Variants in AGAP3 observed in about 807,000 individuals in gnomAD.
AGAP3 encodes the protein ArfGAP with GTPase domain, ankyrin repeat and PH domain 3, also known as arf-GAP with GTPase, ANK repeat and PH domain-containing protein 3.
Under a neutral mutation model 96.9 loss-of-function variants are expected in AGAP3, and 24 were observed. The ratio of observed to expected loss-of-function variants is 0.25; its 90% CI spans 0.18 to 0.35. The LOEUF is 0.35. AGAP3 is among the 10% of genes least tolerant of loss of function. The pLI, the probability that AGAP3 is intolerant of heterozygous loss-of-function variation, is 1.00. For missense variants in AGAP3, 876 were observed against 1,254.2 expected (o/e 0.70, Z 4.55); for synonymous variants, 563 against 536.1 (o/e 1.05, Z -0.69).
Position 151,143,866 on chromosome 7 carries a change from G to C in AGAP3, c.2659G>C (p.Ala887Pro), listed in dbSNP as rs1236113198. 1.2e-6 allele frequency: 2 copies of C among 1,613,976 alleles called. No individual in the cohort carries two copies. Among genetic ancestry groups the C allele is most frequent in the Admixed American group, 3.3e-5 (2 of 60,032 alleles). ...HGCPGEGCGL[A>P]PTPNREPANG... ...CTGCCCTGGGGAGGGCTGTGGCTTAGCGCCTACCCCCAACAGAGAGCCTGC... is the reference window on the plus strand; with the variant it reads ...CTGCCCTGGGGAGGGCTGTGGCTTACCGCCTACCCCCAACAGAGAGCCTGC... Residue 887 changes from alanine to proline, a missense_variant, in exon 18 of 18, where the codon GCG becomes CCG. Transcript: ENST00000397238. The surrounding 1 kb of genome is among the most constrained non-coding windows in gnomAD (Gnocchi z 5.9).
chr7:151,105,826 A>ACACACACACACACACACACACACACACT, intron 1 of AGAP3, among the ~76,000 whole-genome samples: 1 of 114,882 alleles, frequency 8.7e-6, no homozygotes, highest in Non-Finnish European at 1.7e-5. Flanking sequence ...ACACACACAC[A>ACACACACACACACACACACACACACACT]CACACAGTCA....
intron 1 of AGAP3, chr7:151,115,697 C>A (rs1244420861): frequency 9.3e-7 from 1 of 1,069,732 alleles, no homozygotes; most frequent in Non-Finnish European, 1.1e-6. Context: ...GGAGAAAAGC[C>A]GGACGCGCCC....
Position 151,119,310 on chromosome 7 carries a change from C to T in AGAP3, c.970-677C>T, listed in dbSNP as rs973709624. The T allele has an allele frequency of 4.4e-4, 69 of 158,540 alleles. 1 individual carries two copies. The highest frequency in any genetic ancestry group is 7.4e-4 in the Non-Finnish European group (53 of 72,002). The allele number at this position is 158,540 out of a possible 1,614,324, so 9.8% of individuals were successfully genotyped here. A position where few individuals can be genotyped will look rare whatever the true frequency, so the allele number is the denominator to read the frequency against. ...CCACACGCTCTAGTGAGGGCAGTTG[C>T]GGTGCAGACCACCTGGTTGTGCCGT... is the stretch of plus-strand genomic sequence containing the variant. On this transcript the variant is annotated intron_variant, in intron 7 of 17. Transcript: ENST00000397238.
intron 1 of AGAP3, chr7:151,115,354 G>A (rs1434323579): frequency 1.3e-5 from 13 of 1,021,684 alleles, no homozygotes; most frequent in Non-Finnish European, 1.5e-5. Flanking sequence ...TTCCGCCTGC[G>A]CCGCGGCCAG....
intron 1 of AGAP3, among the ~76,000 whole-genome samples, chr7:151,103,691 T>A (rs1585049471): frequency 6.6e-6 from 1 of 152,106 alleles, no homozygotes; most frequent in Non-Finnish European, 1.5e-5. Flanking sequence ...TCCCTGATAT[T>A]TAGTAGCTGA....
intron 1 of AGAP3, among the ~76,000 whole-genome samples, chr7:151,090,813 G>A (rs368355393): frequency 2.6e-5 from 4 of 152,086 alleles, no homozygotes; most frequent in African/African-American, 7.2e-5. Flanking sequence ...GCGTGGTGGC[G>A]GGCACCTGTA....
At chr7:151,087,928 G>A (rs1231033675) in intron 1 of AGAP3, among the ~76,000 whole-genome samples, 1 of 152,282 alleles carries the variant, frequency 6.6e-6, no homozygotes, top group African/African-American at 2.4e-5. Flanking sequence ...GCACCCCGGT[G>A]GCATGGTGAC....
intron 11 of AGAP3, among the ~76,000 whole-genome samples, chr7:151,136,724 A>G (rs1406565614): frequency 6.6e-6 from 1 of 151,788 alleles, no homozygotes; most frequent in Non-Finnish European, 1.5e-5. Context: ...GGGCTTGGGG[A>G]GGAAGTTGGG....
In AGAP3 at chr7:151,118,245, G is replaced by A; in HGVS notation, c.742G>A (p.Asp248Asn). ...CGCTGCGAATCCCCGGGTTATCGAC[G>A]ACAGCAGAGCCCGCAAGCTCTCCAC... ...ISAANPRVID[D>N]SRARKLSTDL... is the part of the protein sequence containing the mutation. The change falls in exon 6 of 18, where the codon GAC (aspartate) becomes AAC (asparagine). Residue 248 changes from aspartate (D) to asparagine (N), a missense_variant. By Grantham distance (23) the Asp-to-Asn change is conservative. Around this residue, in one of 8 missense-constraint regions of AGAP3, gnomAD observed 131 missense variants for 304.5 expected, o/e 0.43. Transcript: ENST00000397238. This position sits in a 1 kb window ranked among gnomAD's most constrained non-coding sequence, Gnocchi z 6.1. 2 of 1,612,722 alleles carry A rather than the reference G, an allele frequency of 1.2e-6. No homozygotes were observed. Among genetic ancestry groups the A allele is most frequent in the Non-Finnish European group, 8.5e-7 (1 of 1,178,852 alleles).
At chr7:151,136,115 T>C (rs1306191843) in intron 11 of AGAP3, 1 of 152,348 alleles carries the variant, frequency 6.6e-6, no homozygotes, top group Non-Finnish European at 1.5e-5. Context: ...GGGTCAGAGC[T>C]GCGGGGAGCC....
chr7:151,137,359 C>T (rs1375438965), intron 11 of AGAP3, among the ~76,000 whole-genome samples: 3 of 152,246 alleles, frequency 2.0e-5, no homozygotes, highest in African/African-American at 7.2e-5. Flanking sequence ...GTTCTTAGAC[C>T]GCCTGGGGCC....
chr7:151,088,734 T>A (rs1483004762), intron 1 of AGAP3, among the ~76,000 whole-genome samples: 1 of 152,106 alleles, frequency 6.6e-6, no homozygotes, highest in Non-Finnish European at 1.5e-5. Flanking sequence ...CAGCGACCCC[T>A]CCTCCCCAGC....
At chr7:151,132,973 C>T (rs775059317) in intron 10 of AGAP3, among the ~76,000 whole-genome samples, 14 of 152,120 alleles carry the variant, frequency 9.2e-5, no homozygotes, top group Admixed American at 1.3e-4. Flanking sequence ...GCCAGCCTGG[C>T]GGGAAAGCAG....
intron 9 of AGAP3, among the ~76,000 whole-genome samples, chr7:151,124,450 G>A (rs1349189722): frequency 6.6e-6 from 1 of 152,220 alleles, no homozygotes; most frequent in Non-Finnish European, 1.5e-5. Flanking sequence ...CCCCACGGAG[G>A]GCGTCTCTTT....
chr7:151,110,642 G>A (rs1214574834), intron 1 of AGAP3, among the ~76,000 whole-genome samples: 1 of 152,160 alleles, frequency 6.6e-6, no homozygotes, highest in African/African-American at 2.4e-5. Context: ...CTTGGCAGTG[G>A]TGGTGATGGA....
At chr7:151,132,046 G>C (rs952791018) in intron 10 of AGAP3, among the ~76,000 whole-genome samples, 1 of 152,246 alleles carries the variant, frequency 6.6e-6, no homozygotes, top group Non-Finnish European at 1.5e-5. Flanking sequence ...GATGCAAGTG[G>C]AGAGGGGGTG....
intron 8 of AGAP3, among the ~76,000 whole-genome samples, chr7:151,121,333 T>G (rs1289981899): frequency 6.6e-6 from 1 of 151,624 alleles, no homozygotes; most frequent in Non-Finnish European, 1.5e-5. Context: ...CATTGAGACA[T>G]TAGAGCGTGG....
chr7:151,086,858 G>GGGGCCC lies in AGAP3; in HGVS notation c.121_126dup (p.Pro41_Gly42dup), dbSNP rs1043076691. 2 of 1,025,986 alleles carry GGGGCCC rather than the reference G, an allele frequency of 1.9e-6. No homozygotes were observed. The highest frequency in any genetic ancestry group is 2.3e-6 in the Non-Finnish European group (2 of 858,092). 63.6% of individuals were successfully genotyped at this position (1,025,986 alleles called of 1,614,324 possible). On this transcript the variant is annotated inframe_insertion, in exon 1 of 18. Transcript: ENST00000397238. ...TCTGCGGCGGGCAGTTCGGCGGCGC[G>GGGGCCC]GGGCCCGGGGCCGGGGGCGGCGGCG... is the stretch of plus-strand genomic sequence containing the variant.
intron 1 of AGAP3, among the ~76,000 whole-genome samples, chr7:151,106,710 CAGGT>C (rs1799070164): frequency 6.6e-6 from 1 of 152,152 alleles, no homozygotes; most frequent in South Asian, 2.1e-4. Context: ...CTCCTGACCT[CAGGT>C]GATTCGCCCG....
Sources: allele counts gnomAD v4.1 joint callset (sites outside exome capture counted in the v4.1 genomes callset), GRCh38; gene constraint gnomAD v4.1.1; regional missense constraint gnomAD v4.1.1; non-coding constraint Gnocchi (gnomAD v3.1); transcripts MANE v1.5; gene names NCBI Gene and HGNC (gene_info 2026-07-23, HGNC 2026-07-21).